Variants in MYO16 observed in about 807,000 individuals in gnomAD.
The protein encoded by MYO16 is unconventional myosin-XVI.
Under a neutral mutation model 205.3 loss-of-function variants are expected in MYO16, and 94 were observed. That is an observed-to-expected ratio of 0.46 (90% CI 0.39 to 0.54). The LOEUF is 0.54. MYO16 is among the 20% of genes least tolerant of loss of function. The pLI is 0.00. For missense variants in MYO16, 2,315 were observed against 2,387.5 expected (o/e 0.97, Z 0.63); for synonymous variants, 988 against 954.0 (o/e 1.04, Z -0.66).
At chr13:108,830,360 C>T (rs927532213) in intron 9 of MYO16, among the ~76,000 whole-genome samples, 2 of 143,396 alleles carry the variant, frequency 1.4e-5, no homozygotes, top group African/African-American at 2.6e-5. Flanking sequence ...GGAACCAACC[C>T]AAATGTCCAA....
chr13:108,679,722 ATAAT>A (rs1338426863), intron 2 of MYO16, among the ~76,000 whole-genome samples: 1 of 142,838 alleles, frequency 7.0e-6, no homozygotes, highest in African/African-American at 2.6e-5. Flanking sequence ...AAAAAAAAAA[ATAAT>A]AATAATAATA....
intron 4 of MYO16, among the ~76,000 whole-genome samples, chr13:108,774,984 C>T (rs1886080608): frequency 1.3e-5 from 2 of 152,126 alleles, no homozygotes; most frequent in East Asian, 1.9e-4. Context: ...AGAGTGATTG[C>T]TAATGCTATT....
At chr13:108,557,317 A>G in the MYO16 span, among the ~76,000 whole-genome samples, 2 of 152,174 alleles carry the variant, frequency 1.3e-5, no homozygotes, top group Non-Finnish European at 2.9e-5. Flanking sequence ...TCAAAATTTT[A>G]CATTTTCAAT....
At position 108,724,066 on chromosome 13, in the gene MYO16, A is replaced by G. The variant is rs566938272; in HGVS notation, c.364-3374A>G. 3.9e-5 allele frequency among the ~76,000 whole-genome samples: 6 copies of G among 152,300 alleles called. No homozygotes were observed. In the East Asian group the frequency reaches 1.2e-3, roughly 29 times the overall value. ...GTCAGATTTGTCCCTAAGTATTTCA[A>G]TATTCTTAATGCTATCTTAATTTAA... is the stretch of plus-strand genomic sequence containing the variant. On this transcript the variant is annotated intron_variant, in intron 3 of 34. Coordinates refer to ENST00000457511, the MANE Select transcript of MYO16 (RefSeq NM_001198950.3).
intron 32 of MYO16, among the ~76,000 whole-genome samples, chr13:109,155,175 T>C (rs1176099341): frequency 2.0e-5 from 3 of 152,214 alleles, no homozygotes; most frequent in Non-Finnish European, 4.4e-5. Flanking sequence ...AAGACATCGC[T>C]CTGTTTCCTA....
At chr13:108,532,252 G>C in the MYO16 span, among the ~76,000 whole-genome samples, 1 of 151,722 alleles carries the variant, frequency 6.6e-6, no homozygotes, top group Admixed American at 6.6e-5. Flanking sequence ...TGAAAAATAA[G>C]AGCAGAAGAA....
intron 23 of MYO16, among the ~76,000 whole-genome samples, chr13:109,022,982 GTATA>G (rs1479005040): frequency 3.0e-5 from 4 of 131,206 alleles, no homozygotes; most frequent in African/African-American, 1.1e-4. Context: ...GTAAATATAG[GTATA>G]TATTTATATA....
At chr13:108,761,619 A>G (rs977659224) in intron 4 of MYO16, among the ~76,000 whole-genome samples, 3 of 152,200 alleles carry the variant, frequency 2.0e-5, no homozygotes, top group Admixed American at 6.5e-5. Context: ...GATTTCAAGA[A>G]GGCATCCGCT....
chr13:108,918,736 C>T (rs1215258012), intron 16 of MYO16, among the ~76,000 whole-genome samples: 3 of 152,132 alleles, frequency 2.0e-5, no homozygotes, highest in African/African-American at 7.2e-5. Context: ...GTCCGGAGTT[C>T]GAGACCAACC....
chr13:109,119,484 G>T (rs891962360), intron 28 of MYO16, among the ~76,000 whole-genome samples: 2 of 152,156 alleles, frequency 1.3e-5, no homozygotes, highest in African/African-American at 2.4e-5. Context: ...ACTTATGTCT[G>T]CTTCTCCTAA....
chr13:108,642,708 G>T (rs2038937), intron 1 of MYO16, among the ~76,000 whole-genome samples: 1 of 152,150 alleles, frequency 6.6e-6, no homozygotes, highest in South Asian at 2.1e-4. Flanking sequence ...GTGAGCCACC[G>T]TGCCCGGCCT....
intron 31 of MYO16, among the ~76,000 whole-genome samples, chr13:109,134,224 C>T (rs2139791324): frequency 6.6e-6 from 1 of 152,292 alleles, no homozygotes; most frequent in African/African-American, 2.4e-5. Context: ...GTAACTTGTC[C>T]TGTGTCACAT....
At chr13:109,007,875 C>G (rs1885452583) in intron 21 of MYO16, among the ~76,000 whole-genome samples, 2 of 152,106 alleles carry the variant, frequency 1.3e-5, no homozygotes. Flanking sequence ...CACATTCATT[C>G]TTGCCCATCA....
At position 108,883,145 on chromosome 13, in the gene MYO16, C is replaced by G. The variant is rs1566388848; in HGVS notation, c.1512C>G (p.His504Gln). 1 of 1,614,004 alleles carries G rather than the reference C, an allele frequency of 6.2e-7. No homozygotes were observed. Among genetic ancestry groups the G allele is most frequent in the Non-Finnish European group, 8.5e-7 (1 of 1,179,932 alleles). Residue 504 changes from histidine to glutamine, a missense_variant, in exon 13 of 35, where the codon CAC (histidine) becomes CAG (glutamine). This residue lies in a region of MYO16 where 1,213 missense variants were observed against 1,274.4 expected (regional missense o/e 0.95). Coordinates refer to ENST00000457511, the MANE Select transcript of MYO16 (RefSeq NM_001198950.3). ...TCTCCTGTGTGGAGAGAGCCTTTCA[C>G]CAGCTCTTCCGGGAACAGCGGCCTC... The part of the protein sequence containing the change: ...HLFSCVERAF[H>Q]QLFREQRPQC...
intron 32 of MYO16, among the ~76,000 whole-genome samples, chr13:109,143,000 C>T (rs1385352201): frequency 6.6e-6 from 1 of 152,052 alleles, no homozygotes; most frequent in South Asian, 2.1e-4. Flanking sequence ...AGACCCTCTA[C>T]TGGTAACACA....
At chr13:108,592,646 T>C (rs1050564937), upstream of MYO16, among the ~76,000 whole-genome samples, 4 of 145,302 alleles carry the variant, frequency 2.8e-5, no homozygotes, top group African/African-American at 1.0e-4. Context: ...TGTGGAGCTG[T>C]GTAAGAGGGA....
chr13:109,054,231 A>G (rs1338267625), intron 25 of MYO16: 1 of 253,162 alleles, frequency 4.0e-6, no homozygotes, highest in African/African-American at 2.3e-5. Context: ...TTTTCTACAT[A>G]TGATCTTTTT....
chr13:109,157,242 C>A (rs1381565423), intron 32 of MYO16, among the ~76,000 whole-genome samples: 26 of 108,168 alleles, frequency 2.4e-4, no homozygotes, highest in African/African-American at 4.1e-4. Context: ...TTAGTATTTA[C>A]AAAAAAAAAA....
chr13:108,751,167 C>A (rs1194325854), intron 4 of MYO16, among the ~76,000 whole-genome samples: 3 of 152,126 alleles, frequency 2.0e-5, no homozygotes, highest in African/African-American at 7.2e-5. Context: ...CCTCCAAAAT[C>A]TTGGTTCCCC....
Sources: allele counts gnomAD v4.1 joint callset (sites outside exome capture counted in the v4.1 genomes callset), GRCh38; gene constraint gnomAD v4.1.1; regional missense constraint gnomAD v4.1.1; transcripts MANE v1.5; gene names NCBI Gene and HGNC (gene_info 2026-07-23, HGNC 2026-07-21).